Variants in LRBA observed in about 807,000 individuals in gnomAD.
LRBA encodes the protein LPS responsive beige-like anchor protein.
Under a neutral mutation model 330.0 loss-of-function variants are expected in LRBA, and 176 were observed. That is an observed-to-expected ratio of 0.53 (90% CI 0.47 to 0.60). The LOEUF is 0.60. Ranked by LOEUF, LRBA falls within the 20% of genes least tolerant of loss-of-function variation. The pLI, the probability that LRBA is intolerant of heterozygous loss-of-function variation, is 0.00. For synonymous variants in LRBA, 1,230 were observed against 1,193.0 expected (o/e 1.03, Z -0.64); for missense variants, 3,259 against 3,444.8 (o/e 0.95, Z 1.35).
intron 37 of LRBA, among the ~76,000 whole-genome samples, chr4:150,666,507 C>T (rs1325866800): frequency 6.6e-6 from 1 of 151,530 alleles, no homozygotes; most frequent in Non-Finnish European, 1.5e-5. Context: ...GAGTGAGACA[C>T]CATCTCCAAA....
At chr4:150,667,442 T>C (rs1375692167) in intron 37 of LRBA, among the ~76,000 whole-genome samples, 2 of 152,018 alleles carry the variant, frequency 1.3e-5, no homozygotes, top group East Asian at 1.9e-4. Context: ...ATGCTGCTAG[T>C]TTTGAAGATG....
At chr4:150,636,123 C>T (rs1384184874) in intron 37 of LRBA, among the ~76,000 whole-genome samples, 2 of 147,796 alleles carry the variant, frequency 1.4e-5, no homozygotes, top group Non-Finnish European at 3.0e-5. Flanking sequence ...TAATGATGTC[C>T]ATTTTGATCA....
chr4:150,818,819 A>G (rs1744999088), intron 30 of LRBA, among the ~76,000 whole-genome samples: 1 of 152,078 alleles, frequency 6.6e-6, no homozygotes, highest in Non-Finnish European at 1.5e-5. Flanking sequence ...GAGCAATAGA[A>G]AAGAATACTT....
intron 35 of LRBA, among the ~76,000 whole-genome samples, chr4:150,740,287 C>A (rs1560754133): frequency 6.6e-6 from 1 of 151,706 alleles, no homozygotes; most frequent in Non-Finnish European, 1.5e-5. Context: ...AAGTATTGAA[C>A]TGAAGAAATC....
At chr4:150,395,179 TATC>T (rs1258259267) in intron 47 of LRBA, among the ~76,000 whole-genome samples, 6 of 152,148 alleles carry the variant, frequency 3.9e-5, no homozygotes, top group Non-Finnish European at 8.8e-5. Context: ...ATAATAGAAT[TATC>T]ATCTATCCTA....
chr4:150,694,851 T>G lies in LRBA; in HGVS notation c.5755-11134A>C, dbSNP rs148889773. Reference sequence around the variant, plus strand: ...CAATATTTTTAAATAATTTGAAGATTAATATAGGTTATTCTATTTTTTTGC... The same window carrying G: ...CAATATTTTTAAATAATTTGAAGATGAATATAGGTTATTCTATTTTTTTGC... On this transcript the variant is annotated intron_variant, in intron 36 of 56. Coordinates refer to ENST00000651943, the MANE Select transcript of LRBA (RefSeq NM_001364905.1). 2.0e-4 allele frequency among the ~76,000 whole-genome samples: 31 copies of G among 152,344 alleles called. 1 individual carries two copies. Among genetic ancestry groups the G allele is most frequent in the Admixed American group, 2.0e-3 (30 of 15,298 alleles).
At chr4:150,574,134 G>T (rs565997729) in intron 40 of LRBA, among the ~76,000 whole-genome samples, 6 of 151,968 alleles carry the variant, frequency 3.9e-5, no homozygotes, top group Middle Eastern at 3.4e-3. Flanking sequence ...AACACATACT[G>T]CATTTTGTTT....
chr4:150,584,535 TTAAC>T (rs1436335907), intron 40 of LRBA: 1 of 165,576 alleles, frequency 6.0e-6, no homozygotes, highest in Admixed American at 6.6e-5. Flanking sequence ...AAAAAATTAT[TTAAC>T]TATATGTAAA....
At chr4:150,559,112 G>A (rs898439754) in intron 40 of LRBA, among the ~76,000 whole-genome samples, 14 of 151,882 alleles carry the variant, frequency 9.2e-5, no homozygotes, top group African/African-American at 2.9e-4. Context: ...AGGAAACATC[G>A]CACAAATCCA....
chr4:150,448,425 T>C (rs1258491646), intron 44 of LRBA, among the ~76,000 whole-genome samples: 1 of 152,116 alleles, frequency 6.6e-6, no homozygotes, highest in Non-Finnish European at 1.5e-5. Flanking sequence ...TTCCAAAAAG[T>C]TACAGGCCTC....
chr4:150,317,827 T>C (rs896896919), intron 50 of LRBA, among the ~76,000 whole-genome samples: 1 of 152,174 alleles, frequency 6.6e-6, no homozygotes, highest in African/African-American at 2.4e-5. Context: ...TATGTTTCAA[T>C]TTCCTGATCT....
intron 48 of LRBA, among the ~76,000 whole-genome samples, chr4:150,328,668 G>T (rs993609893): frequency 6.6e-6 from 1 of 151,948 alleles, no homozygotes; most frequent in Non-Finnish European, 1.5e-5. Flanking sequence ...AAAGCACCTA[G>T]AGCAGAACCT....
chr4:150,775,508 T>C (rs1457141870), intron 34 of LRBA, among the ~76,000 whole-genome samples: 3 of 143,174 alleles, frequency 2.1e-5, no homozygotes, highest in East Asian at 4.2e-4. Flanking sequence ...CACACAGTGA[T>C]TGCAGCATAA....
At position 150,849,012 on chromosome 4, in the gene LRBA, AG is replaced by A; in HGVS notation, c.4159-15del. The A allele has an allele frequency of 6.5e-7, 1 of 1,546,968 alleles. No individual in the cohort carries two copies. The highest frequency in any genetic ancestry group is 1.2e-5 in the South Asian group (1 of 80,290). On this transcript the variant is annotated splice_polypyrimidine_tract_variant and intron_variant, in intron 25 of 56. Coordinates refer to ENST00000651943, the MANE Select transcript of LRBA (RefSeq NM_001364905.1). ...TTCCAGTTCATGCTGTAAAGAATAA[AG>A]TTTGACATTTATATATATATATTCT...
chr4:150,925,047 G>A (rs927036840), intron 4 of LRBA, among the ~76,000 whole-genome samples: 5 of 151,958 alleles, frequency 3.3e-5, no homozygotes, highest in East Asian at 1.9e-4. Context: ...GCACATGTCC[G>A]TGGTCCCAGC....
chr4:150,891,705 C>T (rs555529274), intron 17 of LRBA, among the ~76,000 whole-genome samples: 25 of 152,260 alleles, frequency 1.6e-4, no homozygotes, highest in African/African-American at 5.1e-4. Flanking sequence ...AAATCTCTCT[C>T]GTGAGTGTGT....
intron 40 of LRBA, chr4:150,584,635 A>G (rs922703305): frequency 4.8e-5 from 8 of 166,846 alleles, no homozygotes; most frequent in African/African-American, 1.9e-4. Context: ...CTGAACCTCT[A>G]CCCTCACCCT....
At position 150,583,080 on chromosome 4, in the gene LRBA, T is replaced by G; in HGVS notation, c.6330+4968A>C. The G allele has an allele frequency of 6.2e-7, 1 of 1,613,934 alleles. No individual in the cohort carries two copies. Among genetic ancestry groups the G allele is most frequent in the South Asian group, 1.1e-5 (1 of 91,054 alleles). Reference sequence around the variant, plus strand: ...TTTACCAGCTCAATAAGTACTACACTGAGCGCTGTCAGGCGCGCAAGGCGG... The same window carrying G: ...TTTACCAGCTCAATAAGTACTACACGGAGCGCTGTCAGGCGCGCAAGGCGG... On this transcript the variant is annotated intron_variant, in intron 40 of 56. Coordinates refer to ENST00000651943, the MANE Select transcript of LRBA (RefSeq NM_001364905.1). This position sits in a 1 kb window ranked among gnomAD's most constrained non-coding sequence, Gnocchi z 9.8.
At chr4:150,291,964 A>G (rs1728353527) in intron 53 of LRBA, among the ~76,000 whole-genome samples, 1 of 152,236 alleles carries the variant, frequency 6.6e-6, no homozygotes, top group Non-Finnish European at 1.5e-5. Flanking sequence ...TCAGTAAACT[A>G]TCGCAAGAAC....
Sources: gnomAD v4.1 joint callset for allele counts (sites outside exome capture counted in the v4.1 genomes callset) on GRCh38, gnomAD v4.1.1 for gene constraint, Gnocchi (gnomAD v3.1) non-coding constraint, MANE v1.5 for transcripts, NCBI Gene and HGNC (gene_info 2026-07-23, HGNC 2026-07-21) for gene names.